STK39: variants seen among roughly 807,000 people sequenced by gnomAD.
STK39 encodes STE20/SPS1-related proline-alanine-rich protein kinase.
STK39 carries 20 observed loss-of-function variants against 77.8 expected under a neutral mutation model. The observed-to-expected ratio is 0.26, with a 90% CI of 0.18 to 0.37. STK39 has a LOEUF of 0.37. Ranked by LOEUF, STK39 falls within the 10% of genes least tolerant of loss-of-function variation. The probability of loss-of-function intolerance (pLI) is 1.00; values close to 1 mark genes in which losing one functional copy is unlikely to be tolerated. For missense variants in STK39, 479 were observed against 656.5 expected (o/e 0.73, Z 2.95); for synonymous variants, 246 against 234.1 (o/e 1.05, Z -0.47).
intron 10 of STK39, among the ~76,000 whole-genome samples, chr2:168,095,103 T>C (rs1162724109): frequency 6.6e-6 from 1 of 152,176 alleles, no homozygotes; most frequent in Non-Finnish European, 1.5e-5. Context: ...CTTTAACAGC[T>C]TCTTCCAGCC....
intron 10 of STK39, among the ~76,000 whole-genome samples, chr2:168,110,240 A>G (rs1687086498): frequency 6.6e-6 from 1 of 151,892 alleles, no homozygotes. Flanking sequence ...ATTTTTGTTT[A>G]TTTATTTTTG....
chr2:168,156,509 G>T (rs573450990), intron 5 of STK39, among the ~76,000 whole-genome samples: 4 of 152,324 alleles, frequency 2.6e-5, no homozygotes, highest in African/African-American at 9.6e-5. Flanking sequence ...CAGGAGGTCA[G>T]ATGGAGTGCC....
Position 168,201,951 on chromosome 2 carries a change from T to C in STK39, c.209-19861A>G, listed in dbSNP as rs548165368. ...GCAAGAACAAAGAACAGCTTTGTCC[T>C]GCTTGAAAGAGCTCTGAAAGATTAT... is the stretch of plus-strand genomic sequence containing the variant. On this transcript the variant is annotated intron_variant, in intron 1 of 17. Coordinates refer to ENST00000355999, the MANE Select transcript of STK39 (RefSeq NM_013233.3). 7.2e-5 allele frequency among the ~76,000 whole-genome samples: 11 copies of C among 152,366 alleles called. No homozygotes were observed. In the South Asian group the frequency reaches 2.3e-3, roughly 32 times the overall value.
chr2:167,991,547 T>A (rs1683700879), intron 16 of STK39, among the ~76,000 whole-genome samples: 1 of 152,212 alleles, frequency 6.6e-6, no homozygotes, highest in African/African-American at 2.4e-5. Flanking sequence ...CCTGTGATGT[T>A]ACTGCTGTTT....
chr2:167,996,521 C>T (rs1312350270), intron 16 of STK39, among the ~76,000 whole-genome samples: 7 of 152,200 alleles, frequency 4.6e-5, no homozygotes, highest in African/African-American at 7.2e-5. Flanking sequence ...GCTTAGCGTC[C>T]AGCCCGCCCC....
At chr2:168,240,075 T>C (rs150140319) in intron 1 of STK39, among the ~76,000 whole-genome samples, 1 of 152,338 alleles carries the variant, frequency 6.6e-6, no homozygotes, top group East Asian at 1.9e-4. Context: ...AGCTCTTTGC[T>C]ACATAGATGA....
intron 16 of STK39, among the ~76,000 whole-genome samples, chr2:168,006,335 C>T (rs1407770455): frequency 6.6e-6 from 1 of 152,194 alleles, no homozygotes; most frequent in Non-Finnish European, 1.5e-5. Context: ...AGCTGAGGTT[C>T]TAAAACTTAC....
chr2:168,139,408 T>TATATATATATATATATATATATA (rs985606761), intron 7 of STK39, among the ~76,000 whole-genome samples: 1 of 144,494 alleles, frequency 6.9e-6, no homozygotes, highest in African/African-American at 2.6e-5. Flanking sequence ...TAAAAAAAAT[T>TATATATATATATATATATATATA]TATATATATA....
At chr2:167,973,832 T>G (rs961463616) in intron 16 of STK39, among the ~76,000 whole-genome samples, 5 of 152,194 alleles carry the variant, frequency 3.3e-5, no homozygotes, top group African/African-American at 4.8e-5. Context: ...AAATTCTGTG[T>G]GTGAATATAT....
At chr2:167,997,899 G>A (rs542974358) in intron 16 of STK39, among the ~76,000 whole-genome samples, 6 of 152,190 alleles carry the variant, frequency 3.9e-5, no homozygotes, top group Admixed American at 2.0e-4. Flanking sequence ...CAGAAAAACC[G>A]ATTTTACTAA....
intron 1 of STK39, among the ~76,000 whole-genome samples, chr2:168,190,370 G>C (rs1281405964): frequency 6.6e-6 from 1 of 152,190 alleles, no homozygotes. Flanking sequence ...GGTCGCTGTG[G>C]GGGATGTGGC....
At chr2:168,006,252 A>C (rs2105305048) in intron 16 of STK39, among the ~76,000 whole-genome samples, 1 of 152,334 alleles carries the variant, frequency 6.6e-6, no homozygotes, top group Non-Finnish European at 1.5e-5. Flanking sequence ...GAAGTTCAGC[A>C]GCTTTGTAGG....
intron 1 of STK39, 80 bp from the exon 2 acceptor site, chr2:168,182,170 A>C: frequency 8.5e-7 from 1 of 1,181,322 alleles, no homozygotes; most frequent in Non-Finnish European, 1.3e-6. Flanking sequence ...CCTAAAGATC[A>C]ATTTTTTTAA....
intron 1 of STK39, among the ~76,000 whole-genome samples, chr2:168,242,337 G>A (rs1289867795): frequency 2.0e-5 from 3 of 151,218 alleles, no homozygotes; most frequent in Non-Finnish European, 2.9e-5. Flanking sequence ...TGAGGCAGGC[G>A]GGTTACTTCA....
At chr2:167,974,782 A>G (rs1432811955) in intron 16 of STK39, among the ~76,000 whole-genome samples, 1 of 152,190 alleles carries the variant, frequency 6.6e-6, no homozygotes, top group African/African-American at 2.4e-5. Context: ...AAAAGGATGG[A>G]AAGGACCCTA....
chr2:168,096,905 A>AG (rs1686682652), intron 10 of STK39, among the ~76,000 whole-genome samples: 1 of 126,928 alleles, frequency 7.9e-6, no homozygotes, highest in South Asian at 2.8e-4. Flanking sequence ...CAATAAGCAT[A>AG]GAAAAAAAAA....
chr2:168,110,042 T>C (rs1687080134), intron 10 of STK39, among the ~76,000 whole-genome samples: 1 of 152,212 alleles, frequency 6.6e-6, no homozygotes, highest in Non-Finnish European at 1.5e-5. Context: ...TTAATTTCAA[T>C]GCGTGTCACT....
At chr2:168,209,772 G>A (rs1309489537) in intron 1 of STK39, among the ~76,000 whole-genome samples, 3 of 152,194 alleles carry the variant, frequency 2.0e-5, no homozygotes, top group Non-Finnish European at 2.9e-5. Flanking sequence ...GCCGAGGCAG[G>A]CAGATCACTT....
chr2:167,975,300 G>A (rs960986544), intron 16 of STK39, among the ~76,000 whole-genome samples: 2 of 151,920 alleles, frequency 1.3e-5, no homozygotes, highest in Non-Finnish European at 2.9e-5. Context: ...TTTTTTCAAG[G>A]ATGAGAGTCT....
Sources: allele counts gnomAD v4.1 joint callset (sites outside exome capture counted in the v4.1 genomes callset), GRCh38; gene constraint gnomAD v4.1.1; transcripts MANE v1.5; gene names NCBI Gene and HGNC (gene_info 2026-07-23, HGNC 2026-07-21).